DDX1: variants seen among roughly 807,000 people sequenced by gnomAD.
DDX1 encodes ATP-dependent RNA helicase DDX1.
DDX1 carries 28 observed loss-of-function variants against 108.7 expected under a neutral mutation model. The ratio of observed to expected loss-of-function variants is 0.26; its 90% CI spans 0.19 to 0.35. The LOEUF is 0.35. Among genes scored for constraint, DDX1 ranks in the 10% least tolerant of loss-of-function variants. The probability of loss-of-function intolerance (pLI) is 1.00; values close to 1 mark genes in which losing one functional copy is unlikely to be tolerated. For synonymous variants in DDX1, 295 were observed against 288.9 expected, an observed-to-expected ratio of 1.02 and a Z score of -0.21; for missense variants, 710 against 884.5, an observed-to-expected ratio of 0.80 and a Z score of 2.50.
chr2:15,628,743 A>T, intron 22 of DDX1, 33 bp downstream of exon 22: 2 of 1,613,314 alleles, frequency 1.2e-6, no homozygotes, highest in South Asian at 2.2e-5. Flanking sequence ...CCCATTTTTA[A>T]GCTTGTATGC....
At chr2:15,611,975 A>G (rs1366091087) in intron 13 of DDX1, among the ~76,000 whole-genome samples, 1 of 95,876 alleles carries the variant, frequency 1.0e-5, no homozygotes, top group Non-Finnish European at 2.0e-5. Context: ...TGACCCCACC[A>G]CCTCCCTCCC....
In DDX1 at chr2:15,629,609, A is replaced by G; in HGVS notation, c.1883A>G (p.Tyr628Cys). The change falls in exon 24 of 26, where the codon TAC becomes TGC. Residue 628 changes from tyrosine to cysteine, a missense_variant. Tyr to Cys is a radical substitution (Grantham distance 194). Transcript: ENST00000233084. ...LVATEKEKVWYHVCSSRGKGC... is the reference protein window; with the variant it reads ...LVATEKEKVWCHVCSSRGKGC... ...TTTCCTTTTTAAATTTAGGTTTGGT[A>G]CCATGTATGTAGCAGCCGTGGAAAA... 1.9e-6 allele frequency: 3 copies of G among 1,594,330 alleles called. No homozygotes were observed. The highest frequency in any genetic ancestry group is 2.6e-6 in the Non-Finnish European group (3 of 1,173,514).
Position 15,623,381 on chromosome 2 carries a change from A to C in DDX1, c.1448-55A>C, listed in dbSNP as rs942053388. On this transcript the variant is annotated intron_variant, in intron 18 of 25. Coordinates refer to ENST00000233084, the MANE Select transcript of DDX1 (RefSeq NM_004939.3). ...TCTGTGACTATAATTATGTGTATTCATGACAAGTTCAGATTGAAATTCTGT... is the reference window on the plus strand; with the variant it reads ...TCTGTGACTATAATTATGTGTATTCCTGACAAGTTCAGATTGAAATTCTGT... 69 of 1,577,590 alleles carry C rather than the reference A, an allele frequency of 4.4e-5. No homozygotes were observed. In the South Asian group the frequency reaches 7.2e-4, roughly 16 times the overall value.
chr2:15,624,275 C>G (rs1666061843), intron 19 of DDX1, among the ~76,000 whole-genome samples: 1 of 152,112 alleles, frequency 6.6e-6, no homozygotes, highest in Non-Finnish European at 1.5e-5. Flanking sequence ...ACAAATATTA[C>G]TAGAAATAAA....
At chr2:15,601,657 C>T (rs1665590841) in intron 6 of DDX1, among the ~76,000 whole-genome samples, 1 of 152,198 alleles carries the variant, frequency 6.6e-6, no homozygotes, top group Non-Finnish European at 1.5e-5. Flanking sequence ...TTCAGCTATC[C>T]TGGAAGCTCC....
intron 6 of DDX1, among the ~76,000 whole-genome samples, chr2:15,601,664 C>T (rs1253257927): frequency 6.6e-6 from 1 of 152,174 alleles, no homozygotes; most frequent in African/African-American, 2.4e-5. Context: ...ATCCTGGAAG[C>T]TCCTAGATAA....
Position 15,606,205 on chromosome 2 carries a change from A to G in DDX1, c.758A>G (p.Asp253Gly). The G allele has an allele frequency of 6.2e-7, 1 of 1,614,158 alleles. No individual in the cohort carries two copies. The highest frequency in any genetic ancestry group is 8.5e-7 in the Non-Finnish European group (1 of 1,180,004). ...GEEEFKFPPK[D>G]GFVALSKAPD... ...GAGGAATTTAAGTTTCCACCAAAAGATGGCTTTGTTGCTCTTTCCAAGGCA... is the reference window on the plus strand; with the variant it reads ...GAGGAATTTAAGTTTCCACCAAAAGGTGGCTTTGTTGCTCTTTCCAAGGCA... The change falls in exon 12 of 26, where the codon GAT becomes GGT. Residue 253 changes from aspartate (D) to glycine (G), a missense_variant. Transcript: ENST00000233084.
chr2:15,607,032 G>T, intron 12 of DDX1, 143 bp from the exon 13 acceptor site: 1 of 831,234 alleles, frequency 1.2e-6, no homozygotes, highest in East Asian at 2.7e-5. Context: ...GAAATCTAAG[G>T]TTTATTCTGT....
intron 1 of DDX1, among the ~76,000 whole-genome samples, chr2:15,592,247 G>A (rs887449319): frequency 6.6e-6 from 1 of 152,198 alleles, no homozygotes; most frequent in African/African-American, 2.4e-5. Context: ...TCTAGGCGGC[G>A]GCGTTGCTCT....
chr2:15,629,350 CTG>C (rs1298493523), intron 23 of DDX1, among the ~76,000 whole-genome samples: 1 of 152,022 alleles, frequency 6.6e-6, no homozygotes, highest in Non-Finnish European at 1.5e-5. Flanking sequence ...CTACTTTTAT[CTG>C]AGAATTCCTT....
At chr2:15,604,347 T>A in intron 9 of DDX1, 90 bp from the exon 10 acceptor site, 1 of 846,278 alleles carries the variant, frequency 1.2e-6, no homozygotes, top group Non-Finnish European at 1.9e-6. Context: ...AAATAATTAT[T>A]TTGAAACACA....
intron 11 of DDX1, 21 bp downstream of exon 11, chr2:15,606,047 A>T: frequency 6.4e-7 from 1 of 1,573,810 alleles, no homozygotes; most frequent in Non-Finnish European, 8.6e-7. Flanking sequence ...ATCTAGTTAG[A>T]AAAAATTTGC....
chr2:15,611,711 C>T (rs1287148017), intron 13 of DDX1, among the ~76,000 whole-genome samples: 3 of 113,892 alleles, frequency 2.6e-5, no homozygotes, highest in South Asian at 3.1e-4. Flanking sequence ...ACCTCCCTCC[C>T]GGACGGGGCG....
At chr2:15,595,246 A>T (rs370336620) in intron 2 of DDX1, 50 bp downstream of exon 2, 277 of 1,423,956 alleles carry the variant, frequency 1.9e-4, no homozygotes, top group Non-Finnish European at 2.6e-4. Context: ...TTTATAATTT[A>T]AACAGTTGTT....
intron 13 of DDX1, among the ~76,000 whole-genome samples, chr2:15,609,592 A>G (rs1361859600): frequency 1.3e-5 from 2 of 152,190 alleles, no homozygotes; most frequent in Non-Finnish European, 2.9e-5. Flanking sequence ...TCAGTTTTAC[A>G]TTCCTTAGTG....
chr2:15,597,293 A>G (rs1665517886), intron 4 of DDX1, 82 bp from the exon 5 acceptor site: 2 of 879,850 alleles, frequency 2.3e-6, no homozygotes, highest in Admixed American at 2.7e-5. Flanking sequence ...ATGTGTGTGC[A>G]TAACTTTTGT....
chr2:15,630,465 AT>A (rs990758697), intron 25 of DDX1, among the ~76,000 whole-genome samples: 1 of 152,184 alleles, frequency 6.6e-6, no homozygotes, highest in Admixed American at 6.5e-5. Context: ...TCAGCATATT[AT>A]TTCCTCTGCC....
At chr2:15,629,580 A>AT in intron 23 of DDX1, 22 bp from the exon 24 acceptor site, 1 of 1,548,424 alleles carries the variant, frequency 6.5e-7, no homozygotes, top group Non-Finnish European at 8.8e-7. Flanking sequence ...GCATGTTAAT[A>AT]TTTTTTCCTT....
At chr2:15,595,343 T>C in intron 2 of DDX1, 147 bp downstream of exon 2, 1 of 929,242 alleles carries the variant, frequency 1.1e-6, no homozygotes, top group Non-Finnish European at 1.6e-6. Context: ...GAAAGTTTCC[T>C]TTTTTTAACC....
Sources: gnomAD v4.1 joint callset for allele counts (sites outside exome capture counted in the v4.1 genomes callset) on GRCh38, gnomAD v4.1.1 for gene constraint, MANE v1.5 for transcripts, NCBI Gene and HGNC (gene_info 2026-07-23, HGNC 2026-07-21) for gene names.